The following H2BC11 variants were observed in gnomAD, a reference collection of about 807,000 sequenced individuals.
The protein encoded by H2BC11 is histone H2B type 1-J.
In H2BC11, 7 loss-of-function variants were observed where a neutral mutation model predicts 6.0. The ratio of observed to expected loss-of-function variants is 1.16; its 90% confidence interval spans 0.66 to 2.19. The LOEUF (loss-of-function observed/expected upper bound fraction) is 2.19. Among genes scored for constraint, H2BC11 ranks in the 30% most tolerant of loss-of-function variants. The pLI is 0.00. For missense variants in H2BC11, 215 were observed against 170.3 expected (o/e 1.26, Z -1.46); for synonymous variants, 127 against 72.0 (o/e 1.77, Z -3.87).
rs770628476 is a variant in H2BC11 at position 27,132,662 on chromosome 6, C to T, written c.89G>A (p.Arg30His). ...TKAQKKDGKK[R>H]KRSRKESYSI... Reference sequence around the variant, plus strand: ...ATAGCTCTCCTTGCGGCTGCGCTTGCGCTTCTTGCCGTCTTTCTTCTGCGC... The same window carrying T: ...ATAGCTCTCCTTGCGGCTGCGCTTGTGCTTCTTGCCGTCTTTCTTCTGCGC... Residue 30 changes from arginine (R) to histidine (H), a missense_variant, in exon 1 of 1, where the codon CGC (arginine) becomes CAC (histidine). Arg to His is a conservative substitution (Grantham distance 29, BLOSUM62 0). Transcript: ENST00000339812. The T allele has an allele frequency of 1.4e-4, 218 of 1,614,128 alleles. No individual in the cohort carries two copies. Among genetic ancestry groups the T allele is most frequent in the Non-Finnish European group, 1.8e-4 (214 of 1,180,056 alleles).
rs375706565 is a variant in H2BC11, at chr6:27,132,761, A to T, written c.-11T>A. On this transcript the variant is annotated 5_prime_UTR_variant, in exon 1 of 1. Transcript: ENST00000339812. Reference sequence around the variant, plus strand: ...CGCTGGCTCTGGCATAGCACTGTGTAGCTATAAAGCGCCAACGAAAAGGAA... The same window carrying T: ...CGCTGGCTCTGGCATAGCACTGTGTTGCTATAAAGCGCCAACGAAAAGGAA... 1.5e-4 allele frequency: 235 copies of T among 1,601,702 alleles called. 1 individual carries two copies. The African/African-American group carries it at 2.9e-3, about 20-fold the overall frequency.
At position 27,132,673 on chromosome 6, in the gene H2BC11, G is replaced by A. The variant is rs138662108; in HGVS notation, c.78C>T (p.Asp26=). ...KKAVTKAQKK[D]GKKRKRSRKE... ...TGCGGCTGCGCTTGCGCTTCTTGCC[G>A]TCTTTCTTCTGCGCCTTAGTCACCG... Residue 26 remains aspartate (D), a synonymous_variant, in exon 1 of 1, where the codon GAC becomes GAT. Coordinates refer to ENST00000339812, the MANE Select transcript of H2BC11 (RefSeq NM_021058.4). The A allele has an allele frequency of 5.0e-6, 8 of 1,614,134 alleles. No homozygotes were observed. The South Asian group carries it at 5.5e-5, about 11-fold the overall frequency.
chr6:27,132,732 A>T lies in H2BC11; in HGVS notation c.19T>A (p.Ser7Thr). The T allele has an allele frequency of 6.2e-7, 1 of 1,614,052 alleles. No individual in the cohort carries two copies. Among genetic ancestry groups the T allele is most frequent in the South Asian group, 1.1e-5 (1 of 91,084 alleles). Residue 7 changes from serine (S) to threonine (T), a missense_variant, in exon 1 of 1, where the codon TCT becomes ACT. Ser to Thr is a moderately conservative substitution (Grantham distance 58). Transcript: ENST00000339812. MPEPAK[S>T]APAPKKGSKK... ...GAGCCCTTTTTCGGGGCGGGAGCAG[A>T]CTTCGCTGGCTCTGGCATAGCACTG... is the stretch of plus-strand genomic sequence containing the variant.
In H2BC11 at chr6:27,132,437, C is replaced by T; in HGVS notation, c.314G>A (p.Gly105Glu). The T allele has an allele frequency of 6.2e-7, 1 of 1,614,202 alleles. No individual in the cohort carries two copies. The highest frequency in any genetic ancestry group is 8.5e-7 in the Non-Finnish European group (1 of 1,180,032). The change falls in exon 1 of 1, where the codon GGG becomes GAG. Residue 105 changes from glycine to glutamate, a missense_variant. Gly to Glu is a moderately conservative substitution (Grantham distance 98). Transcript: ENST00000339812. Reference sequence around the variant, plus strand: ...GGACACGGCGTGCTTGGCCAACTCCCCAGGCAGCAGCAGGCGCACGGCCGT... The same window carrying T: ...GGACACGGCGTGCTTGGCCAACTCCTCAGGCAGCAGCAGGCGCACGGCCGT... ...IQTAVRLLLP[G>E]ELAKHAVSEG...
At position 27,132,588 on chromosome 6, in the gene H2BC11, T is replaced by C. The variant is rs368313493; in HGVS notation, c.163A>G (p.Ile55Val). ...ATGATGCCCATGGCCTTGGACGAAATGCCGGTGTCAGGGTGGACCTGCTTC... is the reference window on the plus strand; with the variant it reads ...ATGATGCCCATGGCCTTGGACGAAACGCCGGTGTCAGGGTGGACCTGCTTC... Reference protein sequence around the residue: ...VLKQVHPDTGISSKAMGIMNS... With the variant: ...VLKQVHPDTGVSSKAMGIMNS... Residue 55 changes from isoleucine to valine, a missense_variant, in exon 1 of 1, where the codon ATT becomes GTT. Physicochemically the swap from Ile to Val is conservative, Grantham distance 29. Coordinates refer to ENST00000339812, the MANE Select transcript of H2BC11 (RefSeq NM_021058.4). 3 of 1,614,200 alleles carry C rather than the reference T, an allele frequency of 1.9e-6. No homozygotes were observed. The highest frequency in any genetic ancestry group is 2.5e-6 in the Non-Finnish European group (3 of 1,180,038).
At position 27,132,601 on chromosome 6, in the gene H2BC11, G is replaced by A. The variant is rs760369698; in HGVS notation, c.150C>T (p.His50=). ...IYVYKVLKQV[H]PDTGISSKAM... Reference sequence around the variant, plus strand: ...CCTTGGACGAAATGCCGGTGTCAGGGTGGACCTGCTTCAGAACCTTGTACA... The same window carrying A: ...CCTTGGACGAAATGCCGGTGTCAGGATGGACCTGCTTCAGAACCTTGTACA... Residue 50 remains histidine (H), a synonymous_variant, in exon 1 of 1, where the codon CAC becomes CAT. Transcript: ENST00000339812. 2.2e-5 allele frequency: 35 copies of A among 1,614,112 alleles called. No individual in the cohort carries two copies. The highest frequency in any genetic ancestry group is 6.7e-5 in the Admixed American group (4 of 59,998).
Position 27,132,638 on chromosome 6 carries a change from T to C in H2BC11, c.113A>G (p.Tyr38Cys), listed in dbSNP as rs1305868682. The C allele has an allele frequency of 1.9e-6, 3 of 1,614,108 alleles. No individual in the cohort carries two copies. The highest frequency in any genetic ancestry group is 2.2e-5 in the East Asian group (1 of 44,902). Residue 38 changes from tyrosine (Y) to cysteine (C), a missense_variant, in exon 1 of 1, where the codon TAT becomes TGT. Transcript: ENST00000339812. ...CAGAACCTTGTACACATAGATGGAATAGCTCTCCTTGCGGCTGCGCTTGCG... is the reference window on the plus strand; with the variant it reads ...CAGAACCTTGTACACATAGATGGAACAGCTCTCCTTGCGGCTGCGCTTGCG... ...KKRKRSRKES[Y>C]SIYVYKVLKQ... is the part of the protein sequence containing the mutation.
At position 27,132,723 on chromosome 6, in the gene H2BC11, CGG is replaced by C. The variant is rs1759861216; in HGVS notation, c.26_27del (p.Pro9ArgfsTer12). On this transcript the variant is annotated frameshift_variant, in exon 1 of 1. Transcript: ENST00000339812. LOFTEE classifies it high-confidence loss of function. MPEPAKSA[P>X]APKKGSKKAV... is the part of the protein sequence containing the mutation. ...GCCTTCTTGGAGCCCTTTTTCGGGG[CGG>C]GAGCAGACTTCGCTGGCTCTGGCAT... 6.2e-7 allele frequency: 1 copy of C among 1,613,900 alleles called. No individual in the cohort carries two copies. Among genetic ancestry groups the C allele is most frequent in the Admixed American group, 1.7e-5 (1 of 59,970 alleles).
At position 27,132,643 on chromosome 6, in the gene H2BC11, C is replaced by G; in HGVS notation, c.108G>C (p.Glu36Asp). 1 of 1,614,216 alleles carries G rather than the reference C, an allele frequency of 6.2e-7. No homozygotes were observed. Among genetic ancestry groups the G allele is most frequent in the Non-Finnish European group, 8.5e-7 (1 of 1,180,044 alleles). ...CCTTGTACACATAGATGGAATAGCT[C>G]TCCTTGCGGCTGCGCTTGCGCTTCT... is the stretch of plus-strand genomic sequence containing the variant. Reference protein sequence around the residue: ...DGKKRKRSRKESYSIYVYKVL... With the variant: ...DGKKRKRSRKDSYSIYVYKVL... The change falls in exon 1 of 1, where the codon GAG becomes GAC. Residue 36 changes from glutamate to aspartate, a missense_variant. Transcript: ENST00000339812.
Sources: allele counts gnomAD v4.1 joint callset, GRCh38; gene constraint gnomAD v4.1.1; transcripts MANE v1.5; gene names NCBI Gene and HGNC (gene_info 2026-07-23, HGNC 2026-07-21).